CRACD: variants seen among roughly 807,000 people sequenced by gnomAD.
The protein encoded by CRACD is capping protein-inhibiting regulator of actin dynamics.
CRACD carries 56 observed loss-of-function variants against 106.8 expected under a neutral mutation model. That is an observed-to-expected ratio of 0.52 (90% CI 0.42 to 0.66). The LOEUF (loss-of-function observed/expected upper bound fraction) is 0.66, where lower values mean the gene tolerates loss of function less well. CRACD is among the 30% of genes least tolerant of loss of function. CRACD has a pLI of 0.00. For synonymous variants in CRACD, 754 were observed against 670.8 expected, an observed-to-expected ratio of 1.12 and a Z score of -1.92; for missense variants, 1,730 against 1,623.2, an observed-to-expected ratio of 1.07 and a Z score of -1.13.
In CRACD at chr4:56,316,026, G is replaced by T. The variant is rs770827375; in HGVS notation, c.2524G>T (p.Ala842Ser). ...DPVMPGGEEK[A>S]SPFGIKLRRT... is the part of the protein sequence containing the mutation. ...TGTGATGCCAGGTGGAGAGGAAAAA[G>T]CCTCACCGTTTGGAATAAAATTGAG... The change falls in exon 8 of 11, where the codon GCC (alanine) becomes TCC (serine). Residue 842 changes from alanine (A) to serine (S), a missense_variant. Ala to Ser is a moderately conservative substitution (Grantham distance 99). This residue lies in a region of CRACD where 1,620 missense variants were observed against 1,481.6 expected (regional missense o/e 1.09). Coordinates refer to ENST00000682029, the MANE Select transcript of CRACD (RefSeq NM_001393381.1). The T allele has an allele frequency of 6.2e-7, 1 of 1,614,212 alleles. No individual in the cohort carries two copies. Among genetic ancestry groups the T allele is most frequent in the Admixed American group, 1.7e-5 (1 of 60,032 alleles).
chr4:56,194,491 A>C (rs1434193216), intron 2 of CRACD, among the ~76,000 whole-genome samples: 1 of 152,232 alleles, frequency 6.6e-6, no homozygotes, highest in East Asian at 1.9e-4. Flanking sequence ...GAATGTTTGC[A>C]TCCCCCCCTG....
chr4:56,307,057 AT>A (rs903512087), intron 4 of CRACD, among the ~76,000 whole-genome samples: 2 of 152,206 alleles, frequency 1.3e-5, no homozygotes, highest in Admixed American at 6.5e-5. Context: ...CAAAGTGAAT[AT>A]GTCCCAAAGG....
intron 1 of CRACD, among the ~76,000 whole-genome samples, chr4:56,078,780 C>G (rs1244963097): frequency 6.6e-6 from 1 of 152,126 alleles, no homozygotes; most frequent in African/African-American, 2.4e-5. Flanking sequence ...CAGTTCTCAT[C>G]TGGGAGATCA....
intron 1 of CRACD, chr4:56,170,248 A>C (rs1472037400): frequency 1.3e-5 from 2 of 152,208 alleles, no homozygotes; most frequent in African/African-American, 4.8e-5. Context: ...GTAGCTCTGA[A>C]GAGTGGGTAT....
chr4:56,297,250 A>C (rs1027208023), intron 3 of CRACD, among the ~76,000 whole-genome samples: 5 of 151,970 alleles, frequency 3.3e-5, no homozygotes, highest in African/African-American at 1.2e-4. Context: ...GTCTTTGTGC[A>C]TTTCACACGG....
intron 1 of CRACD, among the ~76,000 whole-genome samples, chr4:56,058,357 C>G (rs1310567355): frequency 1.3e-5 from 2 of 152,238 alleles, no homozygotes; most frequent in South Asian, 4.1e-4. Flanking sequence ...GTGTGAGCCA[C>G]CGCACCTGGC....
At chr4:56,298,376 G>A (rs201391712) in intron 4 of CRACD, 27 bp downstream of exon 4, 156 of 1,611,466 alleles carry the variant, frequency 9.7e-5, no homozygotes, top group Admixed American at 1.2e-4. Context: ...GTGGAATTAC[G>A]AGCCATAGGA....
intron 1 of CRACD, among the ~76,000 whole-genome samples, chr4:56,067,597 A>G (rs773206383): frequency 6.6e-6 from 1 of 151,520 alleles, no homozygotes; most frequent in Non-Finnish European, 1.5e-5. Flanking sequence ...TTATTTATCT[A>G]TTTATTTTTG....
intron 1 of CRACD, among the ~76,000 whole-genome samples, chr4:56,093,256 T>C (rs2109822719): frequency 6.6e-6 from 1 of 152,312 alleles, no homozygotes; most frequent in South Asian, 2.1e-4. Flanking sequence ...TAGCCTGTAA[T>C]TCACAAATGT....
At chr4:56,182,243 G>A (rs932270441) in intron 2 of CRACD, among the ~76,000 whole-genome samples, 2 of 152,046 alleles carry the variant, frequency 1.3e-5, no homozygotes, top group African/African-American at 2.4e-5. Context: ...TTAGCTGTGT[G>A]CCTGTGATCC....
At chr4:56,202,994 G>A (rs1737955500) in intron 2 of CRACD, among the ~76,000 whole-genome samples, 1 of 152,152 alleles carries the variant, frequency 6.6e-6, no homozygotes, top group Admixed American at 6.5e-5. Context: ...GAGGGGATAT[G>A]TATGATATTA....
intron 1 of CRACD, among the ~76,000 whole-genome samples, chr4:56,065,462 G>A (rs1240458945): frequency 2.0e-5 from 3 of 152,174 alleles, no homozygotes; most frequent in Admixed American, 6.5e-5. Context: ...TTACTTGTTT[G>A]TGGGGCGAGG....
At chr4:56,094,383 A>G (rs887452946) in intron 1 of CRACD, among the ~76,000 whole-genome samples, 3 of 147,922 alleles carry the variant, frequency 2.0e-5, no homozygotes, top group Non-Finnish European at 4.5e-5. Context: ...AATGATTTTT[A>G]TATATTTACT....
intron 2 of CRACD, among the ~76,000 whole-genome samples, chr4:56,213,726 A>G (rs1577746010): frequency 6.6e-6 from 1 of 152,254 alleles, no homozygotes; most frequent in East Asian, 1.9e-4. Context: ...TTATTTGAAC[A>G]CGATTTGAAT....
chr4:56,272,529 A>G (rs929992691), intron 3 of CRACD, 37 bp downstream of exon 3: 1 of 152,526 alleles, frequency 6.6e-6, no homozygotes, highest in African/African-American at 2.4e-5. Context: ...TCTTTGGTGG[A>G]GTCCCAGGGT....
rs1746717695 is a variant in CRACD, at chr4:56,330,201, T to A, written c.*2397T>A. 6.6e-6 allele frequency among the ~76,000 whole-genome samples: 1 copy of A among 152,088 alleles called. No homozygotes were observed. Among genetic ancestry groups the A allele is most frequent in the African/African-American group, 2.4e-5 (1 of 41,436 alleles). ...ATGTTAAATGCAAACTTTTTTTTTT[T>A]TTTATTTAAACAAACATACACTTCT... On this transcript the variant is annotated 3_prime_UTR_variant, in exon 11 of 11. Transcript: ENST00000682029.
At chr4:56,318,701 A>G (rs917460160) in intron 8 of CRACD, among the ~76,000 whole-genome samples, 2 of 152,014 alleles carry the variant, frequency 1.3e-5, no homozygotes, top group African/African-American at 4.8e-5. Context: ...AGCAAGGATC[A>G]CTCTCTCCAT....
intron 1 of CRACD, among the ~76,000 whole-genome samples, chr4:56,177,202 G>A (rs1736621235): frequency 6.6e-6 from 1 of 152,066 alleles, no homozygotes; most frequent in African/African-American, 2.4e-5. Context: ...GTTTGGTTTT[G>A]TCATACACGG....
intron 2 of CRACD, among the ~76,000 whole-genome samples, chr4:56,187,340 G>A (rs1359292512): frequency 6.6e-6 from 1 of 152,112 alleles, no homozygotes; most frequent in Non-Finnish European, 1.5e-5. Context: ...TGAAAGATGA[G>A]AAGGTGCTTG....
Sources: allele counts gnomAD v4.1 joint callset (sites outside exome capture counted in the v4.1 genomes callset), GRCh38; gene constraint gnomAD v4.1.1; regional missense constraint gnomAD v4.1.1; transcripts MANE v1.5; gene names NCBI Gene and HGNC (gene_info 2026-07-23, HGNC 2026-07-21).